Variants in PDZD8 observed in about 807,000 individuals in gnomAD.
PDZD8 encodes PDZ domain-containing protein 8.
Under a neutral mutation model 85.8 loss-of-function variants are expected in PDZD8, and 14 were observed. The observed-to-expected ratio is 0.16, with a 90% CI of 0.11 to 0.26. The LOEUF (loss-of-function observed/expected upper bound fraction) is 0.26, where lower values mean the gene tolerates loss of function less well. PDZD8 is among the 10% of genes least tolerant of loss of function. The probability of loss-of-function intolerance (pLI) is 1.00; values close to 1 mark genes in which losing one functional copy is unlikely to be tolerated. For synonymous variants in PDZD8, 592 were observed against 568.6 expected (o/e 1.04, Z -0.59); for missense variants, 1,197 against 1,424.3 (o/e 0.84, Z 2.57).
chr10:117,375,198 C>G lies in PDZD8; in HGVS notation c.30G>C (p.Ser10=), dbSNP rs769705332. 2.4e-5 allele frequency: 37 copies of G among 1,554,208 alleles called. No homozygotes were observed. The Middle Eastern group carries it at 6.9e-4, about 29-fold the overall frequency. The change falls in exon 1 of 5, where the codon TCG becomes TCC. Residue 10 remains serine (S), a synonymous_variant. Coordinates refer to ENST00000334464, the MANE Select transcript of PDZD8 (RefSeq NM_173791.5). MGLLLMILA[S]AVLGSFLTLL... is the part of the protein sequence containing the mutation. ...GCGTGAGGAAGGAACCCAGCACGGC[C>G]GACGCCAGGATCATGAGCAGCAGCC...
intron 4 of PDZD8, among the ~76,000 whole-genome samples, chr10:117,287,696 A>C (rs1267339306): frequency 2.0e-5 from 3 of 152,194 alleles, no homozygotes; most frequent in African/African-American, 7.2e-5. Context: ...CCTTCACTTT[A>C]GTAATAAACA....
At chr10:117,291,421 C>T (rs951625268) in intron 3 of PDZD8, among the ~76,000 whole-genome samples, 4 of 150,908 alleles carry the variant, frequency 2.7e-5, no homozygotes, top group Admixed American at 6.6e-5. Flanking sequence ...CCCAGCTACT[C>T]GGGAGCCTGA....
intron 3 of PDZD8, among the ~76,000 whole-genome samples, chr10:117,301,110 A>G (rs1843839604): frequency 6.6e-6 from 1 of 151,976 alleles, no homozygotes; most frequent in Non-Finnish European, 1.5e-5. Flanking sequence ...TACCTCAGCC[A>G]TCAGAGTAGC....
rs1363275257 is a variant in PDZD8, at chr10:117,361,751, C to G, written c.872+12605G>C. On this transcript the variant is annotated intron_variant, in intron 1 of 4. Coordinates refer to ENST00000334464, the MANE Select transcript of PDZD8 (RefSeq NM_173791.5). ...TCTGCATCCTTGGATTCAACTAACC[C>G]CAGATTTAAAAAAAAGACTGTTGCG... Among the ~76,000 whole-genome samples, 5 of 152,106 alleles carry G rather than the reference C, an allele frequency of 3.3e-5. No homozygotes were observed. In the East Asian group the frequency reaches 9.6e-4, roughly 29 times the overall value.
chr10:117,370,589 C>G (rs1447487611), intron 1 of PDZD8, among the ~76,000 whole-genome samples: 1 of 152,096 alleles, frequency 6.6e-6, no homozygotes, highest in Non-Finnish European at 1.5e-5. Flanking sequence ...CACATGTAAC[C>G]CCAGCACTTT....
At chr10:117,302,990 G>A (rs1295443486) in intron 3 of PDZD8, among the ~76,000 whole-genome samples, 1 of 152,152 alleles carries the variant, frequency 6.6e-6, no homozygotes, top group East Asian at 1.9e-4. Context: ...GCATGAAAAT[G>A]GACTAATACA....
At position 117,285,150 on chromosome 10, in the gene PDZD8, G is replaced by A. The variant is rs1195515659; in HGVS notation, c.1583C>T (p.Thr528Ile). The A allele has an allele frequency of 1.9e-6, 3 of 1,613,992 alleles. No homozygotes were observed. Among genetic ancestry groups the A allele is most frequent in the Non-Finnish European group, 2.5e-6 (3 of 1,179,974 alleles). Reference sequence around the variant, plus strand: ...AGCTCCAAGGGGTTTAATAGAAAGTGTTGTTGGAACACGTTTGGGACTATG... The same window carrying A: ...AGCTCCAAGGGGTTTAATAGAAAGTATTGTTGGAACACGTTTGGGACTATG... ...LSHSPKRVPTTLSIKPLGAIS... is the reference protein window; with the variant it reads ...LSHSPKRVPTILSIKPLGAIS... Residue 528 changes from threonine to isoleucine, a missense_variant, in exon 5 of 5, where the codon ACA (threonine) becomes ATA (isoleucine). This residue lies in a region of PDZD8 where 263 missense variants were observed against 261.9 expected (regional missense o/e 1.00). Transcript: ENST00000334464.
rs1000703035 is a variant in PDZD8 at position 117,281,689 on chromosome 10, G to C, written c.*1579C>G. 1 of 152,140 alleles carries C rather than the reference G, an allele frequency of 6.6e-6. No homozygotes were observed. The highest frequency in any genetic ancestry group is 2.4e-5 in the African/African-American group (1 of 41,416). 9.4% of individuals were successfully genotyped at this position (152,140 alleles called of 1,614,324 possible). ...GTAAAGTATTATTATTCCCATTTTA[G>C]AGATGGGTCCTTTTGTAACTGCCTA... On this transcript the variant is annotated 3_prime_UTR_variant, in exon 5 of 5. Transcript: ENST00000334464.
intron 1 of PDZD8, among the ~76,000 whole-genome samples, chr10:117,343,189 T>C (rs1192066495): frequency 6.6e-6 from 1 of 152,226 alleles, no homozygotes; most frequent in African/African-American, 2.4e-5. Context: ...AATGGCCTAC[T>C]ATAGTTTATA....
intron 1 of PDZD8, among the ~76,000 whole-genome samples, chr10:117,361,745 C>A (rs1179239764): frequency 6.6e-6 from 1 of 152,130 alleles, no homozygotes; most frequent in East Asian, 1.9e-4. Context: ...TTGGATTCAA[C>A]TAACCCCAGA....
intron 3 of PDZD8, among the ~76,000 whole-genome samples, chr10:117,300,447 T>G (rs1182023980): frequency 6.6e-6 from 1 of 152,224 alleles, no homozygotes; most frequent in African/African-American, 2.4e-5. Context: ...AATTTTAAAA[T>G]GGTCTTCAAA....
At chr10:117,331,014 C>A (rs1844412498) in intron 2 of PDZD8, among the ~76,000 whole-genome samples, 1 of 152,186 alleles carries the variant, frequency 6.6e-6, no homozygotes, top group African/African-American at 2.4e-5. Context: ...CACTAAGTTT[C>A]TATACTACCC....
intron 3 of PDZD8, among the ~76,000 whole-genome samples, chr10:117,312,967 AG>A (rs1844064241): frequency 6.6e-6 from 1 of 152,236 alleles, no homozygotes; most frequent in Admixed American, 6.5e-5. Context: ...ATGAAAAGTC[AG>A]ATTTCTTGTT....
At chr10:117,358,352 AATTT>A (rs1257227173) in intron 1 of PDZD8, among the ~76,000 whole-genome samples, 1 of 152,156 alleles carries the variant, frequency 6.6e-6, no homozygotes, top group Non-Finnish European at 1.5e-5. Flanking sequence ...TAGTTCACTA[AATTT>A]ATTAGGGTGG....
At chr10:117,303,021 T>A (rs1350693816) in intron 3 of PDZD8, among the ~76,000 whole-genome samples, 2 of 151,796 alleles carry the variant, frequency 1.3e-5, no homozygotes, top group Non-Finnish European at 2.9e-5. Flanking sequence ...ACCATTAGAG[T>A]GGGGCGGTGC....
chr10:117,313,169 G>C (rs1048063981), intron 3 of PDZD8, among the ~76,000 whole-genome samples: 1 of 152,092 alleles, frequency 6.6e-6, no homozygotes, highest in Non-Finnish European at 1.5e-5. Context: ...CCTTCTTCTA[G>C]ATCTGTGCTG....
At chr10:117,358,295 T>C (rs1467714420) in intron 1 of PDZD8, among the ~76,000 whole-genome samples, 1 of 152,136 alleles carries the variant, frequency 6.6e-6, no homozygotes, top group African/African-American at 2.4e-5. Context: ...GGGGATTCAA[T>C]GGATAATATG....
chr10:117,318,024 C>G (rs927994626), intron 3 of PDZD8, among the ~76,000 whole-genome samples: 1 of 152,072 alleles, frequency 6.6e-6, no homozygotes, highest in Admixed American at 6.6e-5. Flanking sequence ...ACAGTTAATA[C>G]ATAAATAAAT....
chr10:117,365,123 CA>C (rs11313668), intron 1 of PDZD8, among the ~76,000 whole-genome samples: 35,730 of 148,190 alleles, frequency 0.24, 4,690 homozygotes, highest in East Asian at 0.44. Flanking sequence ...AAATATATGC[CA>C]AAAAAAAAAT....
Sources: gnomAD v4.1 joint callset for allele counts (sites outside exome capture counted in the v4.1 genomes callset) on GRCh38, gnomAD v4.1.1 for gene constraint, gnomAD v4.1.1 regional missense constraint, MANE v1.5 for transcripts, NCBI Gene and HGNC (gene_info 2026-07-23, HGNC 2026-07-21) for gene names.